RBFOX1: variants seen among roughly 807,000 people sequenced by gnomAD.
RBFOX1 encodes RNA binding fox-1 homolog 1, also known as RNA binding protein fox-1 homolog 1.
A neutral mutation model predicts 57.7 loss-of-function variants in RBFOX1; 8 were observed. That is an observed-to-expected ratio of 0.14 (90% CI 0.08 to 0.25). The LOEUF (loss-of-function observed/expected upper bound fraction) is 0.25. RBFOX1 is among the 10% of genes least tolerant of loss of function. RBFOX1 has a pLI of 1.00. For missense variants in RBFOX1, 611 were observed against 548.5 expected, an observed-to-expected ratio of 1.11 and a Z score of -1.14; for synonymous variants, 326 against 222.4, an observed-to-expected ratio of 1.47 and a Z score of -4.15.
At chr16:7,139,176 C>CTCTCTCTGTGTGTGTGTG (rs372381673) in intron 4 of RBFOX1, among the ~76,000 whole-genome samples, 128 of 145,906 alleles carry the variant, frequency 8.8e-4, no homozygotes, top group Admixed American at 4.7e-3. Flanking sequence ...CAATCTCTCT[C>CTCTCTCTGTGTGTGTGTG]TGTGTGTGTG....
chr16:5,278,133 T>C (rs2063186534), intron 1 of RBFOX1, among the ~76,000 whole-genome samples: 1 of 152,184 alleles, frequency 6.6e-6, no homozygotes, highest in Non-Finnish European at 1.5e-5. Context: ...CAATATACAA[T>C]AATATTCTTT....
chr16:6,867,478 G>C (rs566832846), intron 3 of RBFOX1, among the ~76,000 whole-genome samples: 2 of 152,040 alleles, frequency 1.3e-5, no homozygotes, highest in Admixed American at 6.6e-5. Context: ...CAGCACTTTG[G>C]GGGGCCGAGA....
At chr16:6,881,752 C>G (rs1023752595) in intron 3 of RBFOX1, among the ~76,000 whole-genome samples, 1 of 152,194 alleles carries the variant, frequency 6.6e-6, no homozygotes, top group Non-Finnish European at 1.5e-5. Context: ...CTACCATGAG[C>G]CAGGCATGAG....
At chr16:7,269,420 T>G (rs1444138425) in intron 4 of RBFOX1, among the ~76,000 whole-genome samples, 1 of 152,252 alleles carries the variant, frequency 6.6e-6, no homozygotes, top group South Asian at 2.1e-4. Context: ...TTTTGATATT[T>G]CTCTTTTTGG....
intron 2 of RBFOX1, among the ~76,000 whole-genome samples, chr16:6,569,715 A>G (rs938683057): frequency 2.6e-5 from 4 of 152,174 alleles, no homozygotes; most frequent in African/African-American, 4.8e-5. Context: ...CTTACCTACC[A>G]TCCAGAATTT....
intron 3 of RBFOX1, among the ~76,000 whole-genome samples, chr16:5,789,404 C>A (rs184736381): frequency 5.9e-5 from 9 of 152,054 alleles, no homozygotes; most frequent in Admixed American, 1.3e-4. Context: ...GGGAGGTCTA[C>A]AAGCCCGCAT....
intron 3 of RBFOX1, among the ~76,000 whole-genome samples, chr16:6,674,153 A>G (rs985805748): frequency 3.3e-5 from 5 of 152,164 alleles, no homozygotes; most frequent in Non-Finnish European, 1.5e-5. Flanking sequence ...TGGGTTGAAT[A>G]GAGTCCTCCA....
intron 14 of RBFOX1, among the ~76,000 whole-genome samples, chr16:7,706,679 T>G (rs1434829334): frequency 1.3e-5 from 2 of 152,208 alleles, no homozygotes; most frequent in Non-Finnish European, 1.5e-5. Flanking sequence ...AGTTTGCCTC[T>G]GCACTTCATA....
chr16:7,226,998 A>G (rs1226175205), intron 4 of RBFOX1, among the ~76,000 whole-genome samples: 2 of 152,172 alleles, frequency 1.3e-5, no homozygotes, highest in Non-Finnish European at 2.9e-5. Context: ...TCTCCAGGAT[A>G]AAAAATGGCT....
At chr16:5,262,237 T>C (rs1330079070) in intron 1 of RBFOX1, among the ~76,000 whole-genome samples, 1 of 152,198 alleles carries the variant, frequency 6.6e-6, no homozygotes, top group Non-Finnish European at 1.5e-5. Context: ...GTTAGTGTTA[T>C]GTATCAATTT....
chr16:7,590,743 C>T (rs151059900), intron 7 of RBFOX1, among the ~76,000 whole-genome samples: 5,747 of 151,212 alleles, frequency 0.038, 171 homozygotes, highest in Non-Finnish European at 0.053. Context: ...CCTGTAATCC[C>T]AGCTACTCGG....
chr16:6,844,015 A>C (rs1268164004), intron 3 of RBFOX1, among the ~76,000 whole-genome samples: 1 of 151,940 alleles, frequency 6.6e-6, no homozygotes, highest in Non-Finnish European at 1.5e-5. Flanking sequence ...TTTCTGTCTG[A>C]ACCTTTTCCC....
chr16:7,295,062 G>A (rs12919782), intron 4 of RBFOX1, among the ~76,000 whole-genome samples: 3 of 151,928 alleles, frequency 2.0e-5, no homozygotes, highest in Non-Finnish European at 2.9e-5. Flanking sequence ...CATGTATTAC[G>A]CTTGTCAGTC....
At chr16:7,578,066 T>C in intron 5 of RBFOX1, among the ~76,000 whole-genome samples, 1 of 152,192 alleles carries the variant, frequency 6.6e-6, no homozygotes, top group East Asian at 1.9e-4. Context: ...AATAAGCAAA[T>C]GAAAACCTTT....
intron 4 of RBFOX1, among the ~76,000 whole-genome samples, chr16:5,901,443 T>C (rs1048094318): frequency 6.6e-6 from 1 of 152,204 alleles, no homozygotes; most frequent in African/African-American, 2.4e-5. Context: ...CTCAAGGTGC[T>C]CCACAGTCTC....
chr16:5,384,780 C>G (rs1284140279), intron 1 of RBFOX1, among the ~76,000 whole-genome samples: 1 of 152,184 alleles, frequency 6.6e-6, no homozygotes, highest in Admixed American at 6.5e-5. Flanking sequence ...CAGCTACTCA[C>G]TAGCTGCGTG....
chr16:7,499,626 A>G (rs1022014194), intron 4 of RBFOX1, among the ~76,000 whole-genome samples: 2 of 152,202 alleles, frequency 1.3e-5, no homozygotes, highest in African/African-American at 4.8e-5. Flanking sequence ...ACACGTTAAA[A>G]ATCAAACGAG....
chr16:7,360,592 C>T (rs1368855818), intron 4 of RBFOX1, among the ~76,000 whole-genome samples: 2 of 152,154 alleles, frequency 1.3e-5, no homozygotes, highest in Admixed American at 6.5e-5. Context: ...TTTGAAAGGA[C>T]GTTTCCTGTA....
intron 1 of RBFOX1, among the ~76,000 whole-genome samples, chr16:6,146,358 A>G (rs1369141172): frequency 1.3e-5 from 2 of 152,222 alleles, no homozygotes; most frequent in Non-Finnish European, 2.9e-5. Context: ...GTAAGTCCAG[A>G]TTAGCCTCCA....
Sources: gnomAD v4.1 joint callset for allele counts (sites outside exome capture counted in the v4.1 genomes callset) on GRCh38, gnomAD v4.1.1 for gene constraint, MANE v1.5 for transcripts, NCBI Gene and HGNC (gene_info 2026-07-23, HGNC 2026-07-21) for gene names.